PDE4B: variants seen among roughly 807,000 people sequenced by gnomAD.
PDE4B encodes the protein phosphodiesterase 4B.
In PDE4B, 20 loss-of-function variants were observed where a neutral mutation model predicts 82.2. The observed-to-expected ratio is 0.24, with a 90% CI of 0.17 to 0.35. PDE4B has a LOEUF of 0.35. Among genes scored for constraint, PDE4B ranks in the 10% least tolerant of loss-of-function variants. The probability of loss-of-function intolerance (pLI) is 1.00; values close to 1 mark genes in which losing one functional copy is unlikely to be tolerated. For missense variants in PDE4B, 655 were observed against 907.2 expected, an observed-to-expected ratio of 0.72 and a Z score of 3.57; for synonymous variants, 320 against 318.9, an observed-to-expected ratio of 1.00 and a Z score of -0.04.
intron 1 of PDE4B, among the ~76,000 whole-genome samples, chr1:65,815,827 G>A (rs1306649828): frequency 2.0e-5 from 3 of 152,158 alleles, no homozygotes; most frequent in Non-Finnish European, 4.4e-5. Flanking sequence ...AAAGCAATCA[G>A]TAAAAGGATT....
intron 1 of PDE4B, among the ~76,000 whole-genome samples, chr1:65,866,536 A>G (rs559600909): frequency 1.1e-4 from 16 of 152,328 alleles, no homozygotes; most frequent in Non-Finnish European, 1.8e-4. Flanking sequence ...TGAAAAAGAA[A>G]CTTTTTTTTT....
chr1:66,174,780 C>A (rs1646901816), intron 3 of PDE4B, among the ~76,000 whole-genome samples: 1 of 151,748 alleles, frequency 6.6e-6, no homozygotes, highest in Non-Finnish European at 1.5e-5. Context: ...ACAACAACAA[C>A]AACAACAACA....
chr1:66,040,905 C>T (rs764285819), intron 3 of PDE4B, among the ~76,000 whole-genome samples: 9 of 151,840 alleles, frequency 5.9e-5, no homozygotes, highest in Non-Finnish European at 1.0e-4. Flanking sequence ...AAGACAAAAT[C>T]GTATCTTGCT....
intron 3 of PDE4B, among the ~76,000 whole-genome samples, chr1:65,923,715 G>A (rs1647338641): frequency 6.6e-6 from 1 of 152,092 alleles, no homozygotes. Flanking sequence ...TAGGAAATCA[G>A]CTATCACTCT....
At chr1:65,934,266 T>C (rs1388195943) in intron 3 of PDE4B, among the ~76,000 whole-genome samples, 3 of 152,012 alleles carry the variant, frequency 2.0e-5, no homozygotes, top group Admixed American at 6.6e-5. Context: ...CTAGACAACA[T>C]AGCAAGACCC....
chr1:65,853,375 G>A (rs1338591322), intron 1 of PDE4B, among the ~76,000 whole-genome samples: 1 of 151,674 alleles, frequency 6.6e-6, no homozygotes. Flanking sequence ...TTTATCTAAT[G>A]TTATTATAGA....
intron 3 of PDE4B, among the ~76,000 whole-genome samples, chr1:66,127,466 A>G (rs2101098187): frequency 6.6e-6 from 1 of 152,348 alleles, no homozygotes; most frequent in South Asian, 2.1e-4. Flanking sequence ...AAACAAAGGG[A>G]AAAAGATGGT....
chr1:66,263,092 G>C (rs1654804692), intron 6 of PDE4B, among the ~76,000 whole-genome samples: 1 of 152,228 alleles, frequency 6.6e-6, no homozygotes, highest in Non-Finnish European at 1.5e-5. Flanking sequence ...TATTATGCCA[G>C]ATCCCTGTGT....
chr1:65,928,593 A>G (rs1309692166), intron 3 of PDE4B, among the ~76,000 whole-genome samples: 1 of 152,140 alleles, frequency 6.6e-6, no homozygotes, highest in Non-Finnish European at 1.5e-5. Flanking sequence ...TAGATCTGAC[A>G]TACAGAGAAG....
chr1:65,909,251 A>G (rs1055556151), intron 1 of PDE4B, among the ~76,000 whole-genome samples: 2 of 152,180 alleles, frequency 1.3e-5, no homozygotes, highest in African/African-American at 4.8e-5. Context: ...TATTTTTTAA[A>G]TTGGAAAAAA....
intron 1 of PDE4B, among the ~76,000 whole-genome samples, chr1:65,799,301 T>C (rs1174286559): frequency 1.3e-5 from 2 of 152,226 alleles, no homozygotes; most frequent in African/African-American, 4.8e-5. Flanking sequence ...AATTTCCTAA[T>C]TTGATATTTT....
chr1:66,305,017 C>T (rs544635455), intron 7 of PDE4B, among the ~76,000 whole-genome samples: 2 of 152,044 alleles, frequency 1.3e-5, no homozygotes, highest in Non-Finnish European at 2.9e-5. Flanking sequence ...CAGTGAATGC[C>T]CTTCTCTCAG....
intron 3 of PDE4B, among the ~76,000 whole-genome samples, chr1:65,995,484 T>G (rs888803337): frequency 4.6e-5 from 7 of 152,204 alleles, no homozygotes; most frequent in African/African-American, 1.7e-4. Flanking sequence ...CTTCGCCTTT[T>G]TGTCTCTTGA....
chr1:65,928,421 C>G (rs1647640961), intron 3 of PDE4B, among the ~76,000 whole-genome samples: 1 of 152,182 alleles, frequency 6.6e-6, no homozygotes, highest in South Asian at 2.1e-4. Flanking sequence ...CTACACGAGT[C>G]AGACCATTCT....
chr1:65,869,168 A>G (rs545089485), intron 1 of PDE4B, among the ~76,000 whole-genome samples: 6 of 152,340 alleles, frequency 3.9e-5, no homozygotes, highest in African/African-American at 1.2e-4. Context: ...CATGTAATGC[A>G]GTTAAATCAT....
chr1:66,107,392 G>A (rs188080557), intron 3 of PDE4B, among the ~76,000 whole-genome samples: 65 of 151,940 alleles, frequency 4.3e-4, no homozygotes, highest in Middle Eastern at 3.4e-3. Flanking sequence ...GGTTGTTGAT[G>A]TCAACCCATT....
chr1:66,265,212 TC>T (rs942224655), intron 6 of PDE4B, among the ~76,000 whole-genome samples: 5 of 152,186 alleles, frequency 3.3e-5, no homozygotes, highest in African/African-American at 1.2e-4. Flanking sequence ...GAATAAGACT[TC>T]CAGGTGATTC....
intron 4 of PDE4B, among the ~76,000 whole-genome samples, chr1:66,249,051 A>G (rs1653552357): frequency 6.6e-6 from 1 of 152,166 alleles, no homozygotes; most frequent in South Asian, 2.1e-4. Flanking sequence ...ATGTTCTTCA[A>G]ATTGCAAAGT....
chr1:66,098,364 G>T (rs1183602972), intron 3 of PDE4B, among the ~76,000 whole-genome samples: 2 of 152,156 alleles, frequency 1.3e-5, no homozygotes, highest in Middle Eastern at 3.4e-3. Flanking sequence ...CCTAGCAACT[G>T]CTTTCAGGCT....
Sources: gnomAD v4.1 joint callset for allele counts (sites outside exome capture counted in the v4.1 genomes callset) on GRCh38, gnomAD v4.1.1 for gene constraint, MANE v1.5 for transcripts, NCBI Gene and HGNC (gene_info 2026-07-23, HGNC 2026-07-21) for gene names.